DLGAP2: variants seen among roughly 807,000 people sequenced by gnomAD.
DLGAP2 encodes DLG associated protein 2.
Under a neutral mutation model 100.3 loss-of-function variants are expected in DLGAP2, and 26 were observed. That is an observed-to-expected ratio of 0.26 (90% CI 0.19 to 0.36). The LOEUF (loss-of-function observed/expected upper bound fraction) is 0.36. DLGAP2 is among the 10% of genes least tolerant of loss of function. DLGAP2 has a pLI of 1.00. For missense variants in DLGAP2, 1,858 were observed against 1,453.2 expected (o/e 1.28, Z -4.53); for synonymous variants, 886 against 630.1 (o/e 1.41, Z -6.08).
Position 1,331,067 on chromosome 8 carries a change from A to G in DLGAP2, c.106+72184A>G, listed in dbSNP as rs544370455. ...GCGTGAAGAGACTGCAATGCCAGGG[A>G]GGACGGGCTGCTCCTAGCTGGCTTA... is the stretch of plus-strand genomic sequence containing the variant. On this transcript the variant is annotated intron_variant, in intron 3 of 14. Coordinates refer to ENST00000637795, the MANE Select transcript of DLGAP2 (RefSeq NM_001346810.2). Among the ~76,000 whole-genome samples the G allele has an allele frequency of 3.3e-4, 50 of 152,294 alleles. 1 individual carries two copies. The highest frequency in any genetic ancestry group is 1.2e-3 in the African/African-American group (48 of 41,558).
chr8:924,981 G>A (rs948177618), intron 2 of DLGAP2, among the ~76,000 whole-genome samples: 94 of 152,190 alleles, frequency 6.2e-4, no homozygotes, highest in Non-Finnish European at 4.3e-4. Flanking sequence ...GTGTAGGCAC[G>A]TGTGGGTGAT....
chr8:1,217,086 G>A (rs938811114), intron 2 of DLGAP2, among the ~76,000 whole-genome samples: 1 of 152,054 alleles, frequency 6.6e-6, no homozygotes, highest in Non-Finnish European at 1.5e-5. Flanking sequence ...CCGATAGGTG[G>A]TTTTTCAACA....
At chr8:1,038,819 A>C (rs952540068) in intron 2 of DLGAP2, among the ~76,000 whole-genome samples, 1 of 152,186 alleles carries the variant, frequency 6.6e-6, no homozygotes, top group African/African-American at 2.4e-5. Flanking sequence ...TCATGGAAAC[A>C]TCCATGTTTT....
chr8:1,038,876 G>A (rs1006849970), intron 2 of DLGAP2, among the ~76,000 whole-genome samples: 1 of 152,182 alleles, frequency 6.6e-6, no homozygotes, highest in Non-Finnish European at 1.5e-5. Context: ...TTGAGACTCA[G>A]TGTCATATTA....
chr8:1,078,607 T>G (rs539456827), intron 2 of DLGAP2, among the ~76,000 whole-genome samples: 1 of 152,340 alleles, frequency 6.6e-6, no homozygotes, highest in Non-Finnish European at 1.5e-5. Flanking sequence ...GATCTTTTAC[T>G]GTCTTCATAG....
chr8:1,582,717 G>A (rs1020459789), intron 6 of DLGAP2, among the ~76,000 whole-genome samples: 5 of 152,100 alleles, frequency 3.3e-5, no homozygotes, highest in Non-Finnish European at 7.3e-5. Context: ...AGCCTCCCGA[G>A]CAGCTGGGAT....
At position 1,617,344 on chromosome 8, in the gene DLGAP2, G is replaced by A. The variant is rs533364985; in HGVS notation, c.1443-9396G>A. 7.2e-5 allele frequency among the ~76,000 whole-genome samples: 11 copies of A among 152,284 alleles called. No homozygotes were observed. In the East Asian group the frequency reaches 2.1e-3, roughly 29 times the overall value. ...GTTGAACTAATTTATGCTCCCACCA[G>A]CAGTGTATGAGCATTCCCTTTTCTT... On this transcript the variant is annotated intron_variant, in intron 6 of 14. Transcript: ENST00000637795.
chr8:764,755 T>A (rs78793192), intron 1 of DLGAP2, among the ~76,000 whole-genome samples: 3,942 of 152,336 alleles, frequency 0.026, 81 homozygotes, highest in Non-Finnish European at 0.043. Context: ...AGCTGTTGTG[T>A]AAGGGGCTCA....
At chr8:1,513,805 C>T (rs1361169145) in intron 4 of DLGAP2, among the ~76,000 whole-genome samples, 3 of 152,204 alleles carry the variant, frequency 2.0e-5, no homozygotes. Flanking sequence ...CACCCATGGT[C>T]ACGTTCGTAC....
At chr8:1,689,353 G>A (rs1799197341) in intron 12 of DLGAP2, among the ~76,000 whole-genome samples, 1 of 152,234 alleles carries the variant, frequency 6.6e-6, no homozygotes, top group South Asian at 2.1e-4. Context: ...GCACCTGCAT[G>A]TGTCTAGGCA....
chr8:1,677,523 A>T lies in DLGAP2; in HGVS notation c.2289-691A>T, dbSNP rs551746766. Among the ~76,000 whole-genome samples, 6 of 152,228 alleles carry T rather than the reference A, an allele frequency of 3.9e-5. No homozygotes were observed. In the South Asian group the frequency reaches 1.2e-3, roughly 32 times the overall value. ...GCTGGGACTATGTAGACACAGAGAG[A>T]CACACACACACCACACAGGCACACG... On this transcript the variant is annotated intron_variant, in intron 11 of 14. Transcript: ENST00000637795.
At chr8:956,395 A>G (rs904794849) in intron 2 of DLGAP2, among the ~76,000 whole-genome samples, 5 of 152,134 alleles carry the variant, frequency 3.3e-5, no homozygotes, top group African/African-American at 7.2e-5. Context: ...GGTCACAGTG[A>G]GTGTGTGGGG....
intron 3 of DLGAP2, among the ~76,000 whole-genome samples, chr8:1,415,145 C>G (rs1029469349): frequency 6.6e-6 from 1 of 152,238 alleles, no homozygotes; most frequent in African/African-American, 2.4e-5. Context: ...TACACACATG[C>G]GTACAAACAG....
intron 2 of DLGAP2, among the ~76,000 whole-genome samples, chr8:972,111 A>C (rs1800028915): frequency 6.6e-6 from 1 of 152,216 alleles, no homozygotes; most frequent in Admixed American, 6.5e-5. Flanking sequence ...AGGACAACAC[A>C]GGACATTTTA....
intron 4 of DLGAP2, among the ~76,000 whole-genome samples, chr8:1,538,750 C>G (rs1801243657): frequency 6.6e-6 from 1 of 152,182 alleles, no homozygotes; most frequent in South Asian, 2.1e-4. Context: ...GCAGCCCTCC[C>G]CGCAGCGTGG....
chr8:1,376,470 C>T (rs1190248431), intron 3 of DLGAP2, among the ~76,000 whole-genome samples: 3 of 152,274 alleles, frequency 2.0e-5, no homozygotes, highest in African/African-American at 7.2e-5. Flanking sequence ...CTGGGCTGAC[C>T]TGCGCTTCAG....
At chr8:1,585,717 G>A (rs374972723) in intron 6 of DLGAP2, among the ~76,000 whole-genome samples, 35 of 152,316 alleles carry the variant, frequency 2.3e-4, no homozygotes, top group African/African-American at 8.2e-4. Flanking sequence ...CCAGCCGTGG[G>A]CAGTGCCTGG....
intron 3 of DLGAP2, among the ~76,000 whole-genome samples, chr8:1,389,465 G>A (rs1174065612): frequency 2.0e-5 from 3 of 152,136 alleles, no homozygotes; most frequent in Non-Finnish European, 4.4e-5. Flanking sequence ...ACTCAGAGCT[G>A]GAAGAAGTGT....
At chr8:1,041,333 T>A (rs530084512) in intron 2 of DLGAP2, among the ~76,000 whole-genome samples, 2 of 152,234 alleles carry the variant, frequency 1.3e-5, no homozygotes, top group South Asian at 4.1e-4. Context: ...TCAGCCTTTT[T>A]CTTTGGAGTT....
Sources: gnomAD v4.1 joint callset for allele counts (sites outside exome capture counted in the v4.1 genomes callset) on GRCh38, gnomAD v4.1.1 for gene constraint, MANE v1.5 for transcripts, NCBI Gene and HGNC (gene_info 2026-07-23, HGNC 2026-07-21) for gene names.